Variants in EYA4 observed in about 807,000 individuals in gnomAD.
EYA4 encodes the protein protein phosphatase EYA4.
In EYA4, 31 loss-of-function variants were observed where a neutral mutation model predicts 87.9. The observed-to-expected ratio is 0.35, with a 90% CI of 0.27 to 0.48. EYA4 has a LOEUF of 0.48. Ranked by LOEUF, EYA4 falls within the 20% of genes least tolerant of loss-of-function variation. EYA4 has a pLI of 0.99. For synonymous variants in EYA4, 263 were observed against 270.6 expected, an observed-to-expected ratio of 0.97 and a Z score of 0.28; for missense variants, 678 against 761.4, an observed-to-expected ratio of 0.89 and a Z score of 1.29.
chr6:133,406,780 A>G (rs577641686), intron 3 of EYA4, among the ~76,000 whole-genome samples: 1 of 152,312 alleles, frequency 6.6e-6, no homozygotes, highest in East Asian at 1.9e-4. Context: ...TTTTAATTCT[A>G]GAAGGTTTTC....
chr6:133,339,708 G>A (rs1328749135), intron 2 of EYA4, among the ~76,000 whole-genome samples: 2 of 152,140 alleles, frequency 1.3e-5, no homozygotes, highest in Non-Finnish European at 2.9e-5. Flanking sequence ...TTTTTGAGGT[G>A]ATAAGAAGAG....
chr6:133,265,789 C>G (rs1776168024), intron 1 of EYA4, among the ~76,000 whole-genome samples: 1 of 152,216 alleles, frequency 6.6e-6, no homozygotes, highest in African/African-American at 2.4e-5. Context: ...AACTCCCCAA[C>G]AGTTCATGAA....
chr6:133,360,847 A>G (rs1422007327), intron 2 of EYA4, among the ~76,000 whole-genome samples: 3 of 152,170 alleles, frequency 2.0e-5, no homozygotes, highest in Non-Finnish European at 2.9e-5. Flanking sequence ...CATAGGTACA[A>G]AGGTCCTGAA....
At chr6:133,359,448 T>C (rs1195275867) in intron 2 of EYA4, among the ~76,000 whole-genome samples, 1 of 152,246 alleles carries the variant, frequency 6.6e-6, no homozygotes, top group Non-Finnish European at 1.5e-5. Flanking sequence ...TTCTTATGTC[T>C]GAATCATAGT....
chr6:133,387,815 C>T (rs939628470), intron 3 of EYA4, among the ~76,000 whole-genome samples: 2 of 152,066 alleles, frequency 1.3e-5, no homozygotes, highest in African/African-American at 2.4e-5. Context: ...TGTCTTGTTT[C>T]AAAGTCTGGC....
At chr6:133,390,767 G>A (rs1057418368) in intron 3 of EYA4, among the ~76,000 whole-genome samples, 1 of 152,120 alleles carries the variant, frequency 6.6e-6, no homozygotes, top group Non-Finnish European at 1.5e-5. Flanking sequence ...CTATTTTTAG[G>A]TAATACTTAT....
At chr6:133,282,986 T>C (rs982069166) in intron 2 of EYA4, among the ~76,000 whole-genome samples, 8 of 152,148 alleles carry the variant, frequency 5.3e-5, no homozygotes, top group African/African-American at 1.9e-4. Context: ...TAATTCTATC[T>C]TATAAATTAA....
Position 133,344,912 on chromosome 6 carries a change from A to G in EYA4, c.34-37480A>G, listed in dbSNP as rs72995910. Among the ~76,000 whole-genome samples the G allele has an allele frequency of 9.7e-4, 148 of 152,282 alleles. 1 individual carries two copies. The highest frequency in any genetic ancestry group is 2.0e-3 in the Admixed American group (30 of 15,302). ...TATCATCAGAACTGAGAAACTTATT[A>G]GCTTATCTTCTAGAAATGCCATTAA... On this transcript the variant is annotated intron_variant, in intron 2 of 19. Coordinates refer to ENST00000355286, the MANE Select transcript of EYA4 (RefSeq NM_004100.5).
chr6:133,245,555 G>A (rs1389552942), intron 1 of EYA4, among the ~76,000 whole-genome samples: 1 of 152,144 alleles, frequency 6.6e-6, no homozygotes, highest in African/African-American at 2.4e-5. Flanking sequence ...GGAATGGGGT[G>A]GCATTGCAGT....
In EYA4 at chr6:133,326,240, G is replaced by A. The variant is rs898508227; in HGVS notation, c.33+51427G>A. ...ACTTAGCTCTGGAAGCTGGCAGGGTGTGGGATGAGTGACTGGTGCCAGGTA... is the reference window on the plus strand; with the variant it reads ...ACTTAGCTCTGGAAGCTGGCAGGGTATGGGATGAGTGACTGGTGCCAGGTA... On this transcript the variant is annotated intron_variant, in intron 2 of 19. Coordinates refer to ENST00000355286, the MANE Select transcript of EYA4 (RefSeq NM_004100.5). 6.6e-5 allele frequency among the ~76,000 whole-genome samples: 10 copies of A among 152,344 alleles called. No individual in the cohort carries two copies. The East Asian group carries it at 1.7e-3, about 26-fold the overall frequency.
At chr6:133,323,041 CTCTATA>C (rs1039997233) in intron 2 of EYA4, among the ~76,000 whole-genome samples, 6 of 151,136 alleles carry the variant, frequency 4.0e-5, no homozygotes, top group Non-Finnish European at 8.9e-5. Flanking sequence ...TCATTTTATT[CTCTATA>C]TCTATGTCTA....
chr6:133,459,027 G>A (rs942872673), intron 6 of EYA4, among the ~76,000 whole-genome samples: 1 of 152,166 alleles, frequency 6.6e-6, no homozygotes, highest in African/African-American at 2.4e-5. Context: ...TTCTGGAAAT[G>A]AGGCTGCCCT....
At chr6:133,367,100 T>G (rs1008660005) in intron 2 of EYA4, among the ~76,000 whole-genome samples, 1 of 152,196 alleles carries the variant, frequency 6.6e-6, no homozygotes, top group South Asian at 2.1e-4. Context: ...CTTGATAGAT[T>G]ACTAGACAAG....
intron 3 of EYA4, among the ~76,000 whole-genome samples, chr6:133,397,450 G>T (rs1583170605): frequency 6.6e-6 from 1 of 152,260 alleles, no homozygotes; most frequent in East Asian, 1.9e-4. Flanking sequence ...AGGGCATACA[G>T]ATTTTTAGAA....
At chr6:133,427,486 A>G (rs1790772224) in intron 3 of EYA4, among the ~76,000 whole-genome samples, 1 of 152,218 alleles carries the variant, frequency 6.6e-6, no homozygotes, top group Admixed American at 6.5e-5. Flanking sequence ...AGGTTCTTGG[A>G]TCCAGATTAA....
intron 2 of EYA4, among the ~76,000 whole-genome samples, chr6:133,336,229 C>T (rs1174745777): frequency 6.6e-6 from 1 of 152,060 alleles, no homozygotes; most frequent in Non-Finnish European, 1.5e-5. Flanking sequence ...CAAAATCCTG[C>T]TCTAAAGACT....
intron 3 of EYA4, among the ~76,000 whole-genome samples, chr6:133,387,355 A>C (rs923557267): frequency 5.5e-4 from 84 of 152,238 alleles, no homozygotes; most frequent in African/African-American, 1.7e-3. Flanking sequence ...TTTGTGAAAC[A>C]TGCATAGCAT....
upstream of EYA4, chr6:133,241,355 G>C (rs1033174930): frequency 6.6e-6 from 1 of 152,108 alleles, no homozygotes; most frequent in South Asian, 2.1e-4. Context: ...CCCGGCTTCC[G>C]CGCAAAACTT....
intron 3 of EYA4, among the ~76,000 whole-genome samples, chr6:133,437,916 A>G (rs1044305951): frequency 3.9e-5 from 6 of 152,214 alleles, no homozygotes; most frequent in Non-Finnish European, 7.3e-5. Flanking sequence ...ACAATTCAAG[A>G]TGAGATTTGG....
Sources: gnomAD v4.1 joint callset for allele counts (sites outside exome capture counted in the v4.1 genomes callset) on GRCh38, gnomAD v4.1.1 for gene constraint, MANE v1.5 for transcripts, NCBI Gene and HGNC (gene_info 2026-07-23, HGNC 2026-07-21) for gene names.